CAMSAP2: variants seen among roughly 807,000 people sequenced by gnomAD.
CAMSAP2 encodes calmodulin regulated spectrin associated protein family member 2.
A neutral mutation model predicts 146.1 loss-of-function variants in CAMSAP2; 26 were observed. That is an observed-to-expected ratio of 0.18 (90% CI 0.13 to 0.25). The LOEUF is 0.25. CAMSAP2 is among the 10% of genes least tolerant of loss of function. The pLI is 1.00. For missense variants in CAMSAP2, 1,381 were observed against 1,759.3 expected (o/e 0.78, Z 3.85); for synonymous variants, 499 against 596.6 (o/e 0.84, Z 2.38).
intron 1 of CAMSAP2, among the ~76,000 whole-genome samples, chr1:200,740,188 C>T (rs1251926247): frequency 1.3e-5 from 2 of 152,070 alleles, no homozygotes; most frequent in African/African-American, 4.8e-5. Flanking sequence ...GGCCAGATTC[C>T]TTTTATTGGA....
At chr1:200,761,425 A>G (rs1412026084) in intron 2 of CAMSAP2, among the ~76,000 whole-genome samples, 1 of 152,200 alleles carries the variant, frequency 6.6e-6, no homozygotes, top group Non-Finnish European at 1.5e-5. Context: ...TCATTAGGAA[A>G]GAGTTGAGAT....
intron 1 of CAMSAP2, among the ~76,000 whole-genome samples, chr1:200,757,414 T>C (rs1328464696): frequency 6.6e-6 from 1 of 152,252 alleles, no homozygotes; most frequent in South Asian, 2.1e-4. Flanking sequence ...TAAATTATGT[T>C]CTGCTTAAGT....
intron 4 of CAMSAP2, among the ~76,000 whole-genome samples, chr1:200,830,585 G>A (rs1323618816): frequency 1.3e-5 from 2 of 152,192 alleles, no homozygotes; most frequent in Non-Finnish European, 2.9e-5. Flanking sequence ...GAGAACGGTA[G>A]CTTAAGCCTA....
chr1:200,740,523 T>C (rs765969876), intron 1 of CAMSAP2, among the ~76,000 whole-genome samples: 9 of 152,250 alleles, frequency 5.9e-5, no homozygotes, highest in Non-Finnish European at 1.3e-4. Context: ...TAAGTTCTTA[T>C]TAAATCAGTT....
At chr1:200,766,013 C>T (rs1664939326) in intron 2 of CAMSAP2, among the ~76,000 whole-genome samples, 1 of 152,102 alleles carries the variant, frequency 6.6e-6, no homozygotes, top group Non-Finnish European at 1.5e-5. Flanking sequence ...GATTTTCATA[C>T]TATATTACAA....
At chr1:200,777,546 CTTTAAG>C (rs964274644) in intron 2 of CAMSAP2, among the ~76,000 whole-genome samples, 2 of 151,978 alleles carry the variant, frequency 1.3e-5, no homozygotes, top group African/African-American at 4.8e-5. Context: ...ACTTTTATCT[CTTTAAG>C]TTTGTCTTTT....
At chr1:200,841,928 A>G (rs1667332821) in intron 6 of CAMSAP2, 66 bp from the exon 7 acceptor site, 1 of 1,115,648 alleles carries the variant, frequency 9.0e-7, no homozygotes, top group South Asian at 1.3e-5. Context: ...ATATTTTAAA[A>G]CAATAAAATT....
intron 3 of CAMSAP2, among the ~76,000 whole-genome samples, chr1:200,814,563 C>T (rs900413375): frequency 5.6e-5 from 7 of 124,714 alleles, no homozygotes; most frequent in African/African-American, 1.8e-4. Flanking sequence ...TGAGCTGACA[C>T]AGTGCCACTG....
intron 2 of CAMSAP2, among the ~76,000 whole-genome samples, chr1:200,789,807 A>G (rs749097605): frequency 6.6e-6 from 1 of 152,130 alleles, no homozygotes; most frequent in Non-Finnish European, 1.5e-5. Context: ...CTCTCCATTT[A>G]TTTAGTTCTT....
chr1:200,812,471 G>A (rs573170023), intron 3 of CAMSAP2, among the ~76,000 whole-genome samples: 3 of 152,234 alleles, frequency 2.0e-5, no homozygotes, highest in African/African-American at 7.2e-5. Flanking sequence ...CTGAACTGCA[G>A]TGTATTTTTT....
chr1:200,849,279 T>G lies in CAMSAP2; in HGVS notation c.2510T>G (p.Ile837Arg), dbSNP rs145940629. 1,435 of 1,613,892 alleles carry G rather than the reference T, an allele frequency of 8.9e-4. 5 individuals carry two copies. The highest frequency in any genetic ancestry group is 3.0e-3 in the Middle Eastern group (18 of 6,062). Residue 837 changes from isoleucine (I) to arginine (R), a missense_variant, in exon 11 of 17, where the codon ATA (isoleucine) becomes AGA (arginine). Physicochemically the swap from Ile to Arg is moderately conservative, Grantham distance 97 (BLOSUM62 -3). Coordinates refer to ENST00000358823, the MANE Select transcript of CAMSAP2 (RefSeq NM_203459.4). This position sits in a 1 kb window ranked among gnomAD's most constrained non-coding sequence, Gnocchi z 6.3. ...CAAAGGAGCAAGTCACTGGCAGATA[T>G]AAAAGAGAGCATGGAGAATCCTCAA... ...DGQRSKSLAD[I>R]KESMENPQAK...
chr1:200,803,892 G>A (rs1249033759), intron 2 of CAMSAP2, among the ~76,000 whole-genome samples: 2 of 151,080 alleles, frequency 1.3e-5, no homozygotes, highest in African/African-American at 4.9e-5. Context: ...TGTGTCTGTG[G>A]TATTCAAACA....
chr1:200,815,114 T>A (rs1444561709), intron 3 of CAMSAP2, among the ~76,000 whole-genome samples: 1 of 152,178 alleles, frequency 6.6e-6, no homozygotes, highest in Non-Finnish European at 1.5e-5. Flanking sequence ...TCCCCCATGA[T>A]CATGGATATG....
At chr1:200,854,326 G>A (rs892360949) in intron 13 of CAMSAP2, among the ~76,000 whole-genome samples, 9 of 152,090 alleles carry the variant, frequency 5.9e-5, no homozygotes, top group South Asian at 4.2e-4. Flanking sequence ...GGATAAATTC[G>A]TAAAAATAAA....
At chr1:200,802,671 T>A (rs967312209) in intron 2 of CAMSAP2, among the ~76,000 whole-genome samples, 1 of 152,128 alleles carries the variant, frequency 6.6e-6, no homozygotes, top group Non-Finnish European at 1.5e-5. Flanking sequence ...CTAAGTTCAT[T>A]TTAGGATTTT....
intron 9 of CAMSAP2, 75 bp from the exon 10 acceptor site, chr1:200,847,565 C>A (rs1257199959): frequency 7.1e-6 from 8 of 1,119,220 alleles, no homozygotes; most frequent in African/African-American, 1.6e-5. Flanking sequence ...TCCTCAAATA[C>A]ATGAAATCTC....
At chr1:200,751,279 A>G (rs1244273443) in intron 1 of CAMSAP2, among the ~76,000 whole-genome samples, 2 of 151,374 alleles carry the variant, frequency 1.3e-5, no homozygotes, top group Non-Finnish European at 2.9e-5. Flanking sequence ...TTTCTGGACC[A>G]TTTGAGAATA....
chr1:200,762,301 G>T (rs1481844331), intron 2 of CAMSAP2, among the ~76,000 whole-genome samples: 2 of 152,022 alleles, frequency 1.3e-5, no homozygotes, highest in Non-Finnish European at 2.9e-5. Flanking sequence ...TTACAATATA[G>T]TTATTAACAA....
chr1:200,852,490 G>C (rs545556464), intron 11 of CAMSAP2, 51 bp from the exon 12 acceptor site: 1 of 1,580,124 alleles, frequency 6.3e-7, no homozygotes, highest in East Asian at 2.2e-5. Flanking sequence ...TTGAAAATGA[G>C]AATATTGGTA....
Sources: gnomAD v4.1 joint callset for allele counts (sites outside exome capture counted in the v4.1 genomes callset) on GRCh38, gnomAD v4.1.1 for gene constraint, Gnocchi (gnomAD v3.1) non-coding constraint, MANE v1.5 for transcripts, NCBI Gene and HGNC (gene_info 2026-07-23, HGNC 2026-07-21) for gene names.